The following SLC27A3 variants were observed in gnomAD, a reference collection of about 807,000 sequenced individuals.
SLC27A3 encodes the protein solute carrier family 27 member 3, also known as long-chain fatty acid transport protein 3.
Under a neutral mutation model 60.1 loss-of-function variants are expected in SLC27A3, and 60 were observed. The observed-to-expected ratio is 1.00, with a 90% CI of 0.81 to 1.24. The LOEUF (loss-of-function observed/expected upper bound fraction) is 1.24, where lower values mean the gene tolerates loss of function less well. Ranked by LOEUF, SLC27A3 falls within the 50% of genes most tolerant of loss-of-function variation. The pLI is 0.00. For synonymous variants in SLC27A3, 455 were observed against 409.0 expected, an observed-to-expected ratio of 1.11 and a Z score of -1.36; for missense variants, 1,079 against 929.9, an observed-to-expected ratio of 1.16 and a Z score of -2.09.
intron 2 of SLC27A3, 56 bp downstream of exon 2, chr1:153,776,783 G>A: frequency 6.4e-7 from 1 of 1,552,592 alleles, no homozygotes; most frequent in Non-Finnish European, 8.9e-7. Context: ...GAAGGCAGGG[G>A]TCTGCTCCCA....
rs1673442169 is a variant in SLC27A3, at chr1:153,779,747, T to A, written c.1876-79T>A. On this transcript the variant is annotated intron_variant, in intron 9 of 9. Coordinates refer to ENST00000624995, the MANE Select transcript of SLC27A3 (RefSeq NM_024330.4). ...ACTCCCTTTCCCAAGACTTGCTCCT[T>A]AACAAAATTCAGGCAACTCCCCTGA... 3.6e-6 allele frequency: 5 copies of A among 1,394,076 alleles called. No individual in the cohort carries two copies. In the African/African-American group the frequency reaches 7.2e-5, roughly 20 times the overall value. 86.4% of individuals were successfully genotyped at this position (1,394,076 alleles called of 1,614,324 possible). A position where few individuals can be genotyped will look rare whatever the true frequency, so the allele number is the denominator to read the frequency against.
chr1:153,779,504 A>G, intron 9 of SLC27A3, 31 bp downstream of exon 9: 1 of 1,595,390 alleles, frequency 6.3e-7, no homozygotes, highest in East Asian at 2.2e-5. Flanking sequence ...CCGGCCCCTC[A>G]CCCCATATAT....
At position 153,776,541 on chromosome 1, in the gene SLC27A3, G is replaced by T. The variant is rs762832221; in HGVS notation, c.691G>T (p.Asp231Tyr). Residue 231 changes from aspartate (D) to tyrosine (Y), a missense_variant, in exon 2 of 10, where the codon GAC becomes TAC. By Grantham distance (160) the Asp-to-Tyr change is radical (BLOSUM62 -3). Transcript: ENST00000624995. The stretch of plus-strand genomic sequence containing the variant: ...AGAGTTTCTGGAGTCCCTGGAGCCG[G>T]ACCTGCCCGCCCTGAGAGCCATGGG... ...APEFLESLEP[D>Y]LPALRAMGLH... 1 of 1,614,080 alleles carries T rather than the reference G, an allele frequency of 6.2e-7. No individual in the cohort carries two copies. Among genetic ancestry groups the T allele is most frequent in the Admixed American group, 1.7e-5 (1 of 60,020 alleles).
Position 153,778,678 on chromosome 1 carries a change from C to T in SLC27A3, c.1448-9C>T, listed in dbSNP as rs375396502. 6.2e-5 allele frequency: 100 copies of T among 1,612,676 alleles called. No homozygotes were observed. The African/African-American group carries it at 1.2e-3, about 19-fold the overall frequency. On this transcript the variant is annotated splice_polypyrimidine_tract_variant and intron_variant, in intron 6 of 9. Transcript: ENST00000624995. Reference sequence around the variant, plus strand: ...GTGACACCACTCCTGACCCTGGTGACTCTGCCAGGTGAGCCAGGGCTGCTG... The same window carrying T: ...GTGACACCACTCCTGACCCTGGTGATTCTGCCAGGTGAGCCAGGGCTGCTG...
Position 153,775,665 on chromosome 1 carries a change from C to T in SLC27A3, c.168C>T (p.Ala56=), listed in dbSNP as rs1225417075. The T allele has an allele frequency of 1.3e-6, 2 of 1,532,582 alleles. No individual in the cohort carries two copies. The highest frequency in any genetic ancestry group is 2.3e-5 in the East Asian group (1 of 42,802). 94.9% of individuals were successfully genotyped at this position (1,532,582 alleles called of 1,614,324 possible). A position where few individuals can be genotyped will look rare whatever the true frequency, so the allele number is the denominator to read the frequency against. ...LRARALAAAA[A]DPEGPEGGCS... Reference sequence around the variant, plus strand: ...CTCGCGCCCTGGCCGCGGCTGCCGCCGACCCGGAAGGTCCCGAGGGGGGCT... The same window carrying T: ...CTCGCGCCCTGGCCGCGGCTGCCGCTGACCCGGAAGGTCCCGAGGGGGGCT... The change falls in exon 1 of 10, where the codon GCC becomes GCT. Residue 56 remains alanine, a synonymous_variant. Coordinates refer to ENST00000624995, the MANE Select transcript of SLC27A3 (RefSeq NM_024330.4).
chr1:153,776,011 C>T lies in SLC27A3; in HGVS notation c.514C>T (p.Leu172=). ...TCTGTCACCTGGAGCAACTGTGGCG[C>T]TGCTCCTCCCCGCTGGCCCAGAGTT... ...APLSPGATVA[L]LLPAGPEFLW... Residue 172 remains leucine, a synonymous_variant, in exon 1 of 10, where the codon CTG becomes TTG. Transcript: ENST00000624995. 1 of 1,451,966 alleles carries T rather than the reference C, an allele frequency of 6.9e-7. No homozygotes were observed. The highest frequency in any genetic ancestry group is 1.5e-5 in the South Asian group (1 of 68,952). 89.9% of individuals were successfully genotyped at this position (1,451,966 alleles called of 1,614,324 possible).
intron 1 of SLC27A3, 71 bp from the exon 2 acceptor site, chr1:153,776,447 G>A: frequency 1.4e-6 from 2 of 1,422,792 alleles, no homozygotes; most frequent in South Asian, 1.3e-5. Context: ...CTGGGATAGG[G>A]AGGGGACATG....
chr1:153,776,910 A>G, intron 2 of SLC27A3, 152 bp from the exon 3 acceptor site: 1 of 953,400 alleles, frequency 1.0e-6, no homozygotes, highest in Non-Finnish European at 1.6e-6. Context: ...CCTCCCCCAG[A>G]CCACCCATAT....
chr1:153,775,718 T>A lies in SLC27A3; in HGVS notation c.221T>A (p.Leu74Gln). ...AGCCTGGCCTGGCGCCTCGCGGAACTGGCCCAGCAGCGCGCCGCGCACACC... is the reference window on the plus strand; with the variant it reads ...AGCCTGGCCTGGCGCCTCGCGGAACAGGCCCAGCAGCGCGCCGCGCACACC... ...GCSLAWRLAE[L>Q]AQQRAAHTFL... Residue 74 changes from leucine to glutamine, a missense_variant, in exon 1 of 10, where the codon CTG becomes CAG. Physicochemically the swap from Leu to Gln is moderately radical, Grantham distance 113 (BLOSUM62 -2). Coordinates refer to ENST00000624995, the MANE Select transcript of SLC27A3 (RefSeq NM_024330.4). 1 of 1,528,574 alleles carries A rather than the reference T, an allele frequency of 6.5e-7. No individual in the cohort carries two copies. The highest frequency in any genetic ancestry group is 1.3e-5 in the South Asian group (1 of 77,772). The allele number at this position is 1,528,574 out of a possible 1,614,324, so 94.7% of individuals were successfully genotyped here.
chr1:153,778,981 G>A (rs1453847412), intron 7 of SLC27A3, 96 bp downstream of exon 7: 1 of 1,465,938 alleles, frequency 6.8e-7, no homozygotes, highest in South Asian at 1.1e-5. Flanking sequence ...CTCAACCTGG[G>A]TCCTAAGCTA....
chr1:153,777,985 A>G, intron 4 of SLC27A3, 100 bp downstream of exon 4: 1 of 1,557,686 alleles, frequency 6.4e-7, no homozygotes, highest in Non-Finnish European at 8.7e-7. Flanking sequence ...GAGAAGCAGC[A>G]AGAAGAAAAT....
In SLC27A3 at chr1:153,777,841, C is replaced by T. The variant is rs141304230; in HGVS notation, c.1117C>T (p.Gln373Ter). The change falls in exon 4 of 10, where the codon CAG (glutamine) becomes TAG (stop). Residue 373 changes from glutamine (Q) to a stop codon, truncating the protein, a stop_gained. Coordinates refer to ENST00000624995, the MANE Select transcript of SLC27A3 (RefSeq NM_024330.4). LOFTEE classifies it high-confidence loss of function. ...CCAGCAGCACAGGGTGACGGTGTTCCAGTACATTGGGGAGCTGTGCCGATA... is the reference window on the plus strand; with the variant it reads ...CCAGCAGCACAGGGTGACGGTGTTCTAGTACATTGGGGAGCTGTGCCGATA... ...DCQQHRVTVFQYIGELCRYLV... is the reference protein window; with the variant it reads ...DCQQHRVTVF The T allele has an allele frequency of 4.3e-6, 7 of 1,614,120 alleles. No individual in the cohort carries two copies. The highest frequency in any genetic ancestry group is 5.9e-6 in the Non-Finnish European group (7 of 1,180,062).
intron 7 of SLC27A3, 75 bp downstream of exon 7, chr1:153,778,960 T>G: frequency 6.6e-7 from 1 of 1,515,496 alleles, no homozygotes; most frequent in Non-Finnish European, 9.2e-7. Flanking sequence ...CTCAACTCTC[T>G]AATCTGCCAC....
At position 153,778,954 on chromosome 1, in the gene SLC27A3, ACT is replaced by A. The variant is rs913839455; in HGVS notation, c.1646+74_1646+75del. On this transcript the variant is annotated intron_variant, in intron 7 of 9. Transcript: ENST00000624995. ...TGTGATCCAAAGCTTCTGAACCTCA[ACT>A]CTCTAATCTGCCACCTCAACCTGGG... 20 of 1,539,090 alleles carry A rather than the reference ACT, an allele frequency of 1.3e-5. No homozygotes were observed. The African/African-American group carries it at 1.8e-4, about 14-fold the overall frequency.
At chr1:153,776,966 G>A (rs915845690) in intron 2 of SLC27A3, 96 bp from the exon 3 acceptor site, 30 of 1,376,176 alleles carry the variant, frequency 2.2e-5, no homozygotes, top group Middle Eastern at 2.3e-4. Flanking sequence ...TCCTGCCTCC[G>A]CCTCTTTCTG....
At chr1:153,779,635 T>C in intron 9 of SLC27A3, 162 bp downstream of exon 9, 2 of 947,106 alleles carry the variant, frequency 2.1e-6, no homozygotes, top group Non-Finnish European at 3.1e-6. Context: ...CACAAGCTCT[T>C]CACCCCACTT....
Position 153,778,890 on chromosome 1 carries a change from C to A in SLC27A3, c.1646+5C>A. The A allele has an allele frequency of 1.9e-6, 3 of 1,613,648 alleles. No homozygotes were observed. Among genetic ancestry groups the A allele is most frequent in the Non-Finnish European group, 2.5e-6 (3 of 1,179,534 alleles). ...TCGTACTGGAGACACCTTCAGGTAT[C>A]TGTCCATAACTGGTTTTTCATCCTG... On this transcript the variant is annotated splice_donor_5th_base_variant and intron_variant, in intron 7 of 9. Coordinates refer to ENST00000624995, the MANE Select transcript of SLC27A3 (RefSeq NM_024330.4).
Position 153,780,007 on chromosome 1 carries a change from T to C in SLC27A3, c.*5T>C, listed in dbSNP as rs765916887. On this transcript the variant is annotated 3_prime_UTR_variant, in exon 10 of 10. Coordinates refer to ENST00000624995, the MANE Select transcript of SLC27A3 (RefSeq NM_024330.4). ...GCAGGAAACCTTCGAATCTGAGAAC[T>C]TCCACACCTGAGGCACCTGAGAGAG... The C allele has an allele frequency of 6.2e-7, 1 of 1,608,786 alleles. No individual in the cohort carries two copies. The highest frequency in any genetic ancestry group is 8.5e-7 in the Non-Finnish European group (1 of 1,177,316).
chr1:153,777,708 C>G, intron 3 of SLC27A3, 53 bp from the exon 4 acceptor site: 1 of 1,605,688 alleles, frequency 6.2e-7, no homozygotes, highest in Non-Finnish European at 8.5e-7. Context: ...CTTGGGCTCC[C>G]CACTCTGCTC....
Sources: allele counts gnomAD v4.1 joint callset, GRCh38; gene constraint gnomAD v4.1.1; transcripts MANE v1.5; gene names NCBI Gene and HGNC (gene_info 2026-07-23, HGNC 2026-07-21).